The following FAM163A variants were observed in gnomAD, a reference collection of about 807,000 sequenced individuals.
FAM163A encodes family with sequence similarity 163 member A, also known as protein FAM163A.
FAM163A carries 7 observed loss-of-function variants against 12.0 expected under a neutral mutation model. The observed-to-expected ratio is 0.58, with a 90% CI of 0.33 to 1.10. The LOEUF (loss-of-function observed/expected upper bound fraction) is 1.10, where lower values mean the gene tolerates loss of function less well. Among genes scored for constraint, FAM163A ranks in the 50% least tolerant of loss-of-function variants. The pLI is 0.03. For missense variants in FAM163A, 202 were observed against 218.6 expected (o/e 0.92, Z 0.48); for synonymous variants, 101 against 91.0 (o/e 1.11, Z -0.62).
chr1:179,767,895 G>A (rs1161242299), intron 1 of FAM163A, among the ~76,000 whole-genome samples: 2 of 152,050 alleles, frequency 1.3e-5, no homozygotes, highest in Non-Finnish European at 2.9e-5. Context: ...TTAACCATTC[G>A]TAAGTGTTAA....
chr1:179,807,356 C>G (rs888531087), intron 1 of FAM163A, among the ~76,000 whole-genome samples: 7 of 151,986 alleles, frequency 4.6e-5, no homozygotes, highest in South Asian at 2.1e-4. Context: ...AAAATAGGCC[C>G]GGGAAACCGT....
At chr1:179,744,720 C>T (rs1434528592) in intron 1 of FAM163A, among the ~76,000 whole-genome samples, 2 of 152,146 alleles carry the variant, frequency 1.3e-5, no homozygotes, top group Non-Finnish European at 2.9e-5. Flanking sequence ...GTCATTTCGC[C>T]CACCTGGGCC....
chr1:179,732,550 G>A, the FAM163A span, among the ~76,000 whole-genome samples: 1 of 152,070 alleles, frequency 6.6e-6, no homozygotes, highest in Non-Finnish European at 1.5e-5. Flanking sequence ...ATAAGAGACT[G>A]ACCACATTGG....
intron 1 of FAM163A, among the ~76,000 whole-genome samples, chr1:179,791,780 C>T (rs1266176764): frequency 6.6e-6 from 1 of 152,250 alleles, no homozygotes; most frequent in East Asian, 1.9e-4. Flanking sequence ...TTGAAGGAAC[C>T]GTAAAAGTCA....
intron 1 of FAM163A, among the ~76,000 whole-genome samples, chr1:179,777,535 G>A (rs759674027): frequency 6.6e-6 from 1 of 152,162 alleles, no homozygotes; most frequent in Non-Finnish European, 1.5e-5. Context: ...GTTCTGATGT[G>A]CTGCTGCAGA....
chr1:179,737,463 G>T, the FAM163A span, among the ~76,000 whole-genome samples: 1 of 152,152 alleles, frequency 6.6e-6, no homozygotes, highest in East Asian at 1.9e-4. Context: ...TAACAATGCT[G>T]GACTGTGCAC....
At chr1:179,764,255 T>G (rs571554384) in intron 1 of FAM163A, among the ~76,000 whole-genome samples, 8 of 152,200 alleles carry the variant, frequency 5.3e-5, no homozygotes, top group Non-Finnish European at 1.0e-4. Context: ...GTTGGTGGTG[T>G]TGCATCCACT....
chr1:179,783,438 T>G (rs142357485), intron 1 of FAM163A, among the ~76,000 whole-genome samples: 1 of 152,160 alleles, frequency 6.6e-6, no homozygotes, highest in Non-Finnish European at 1.5e-5. Context: ...AGTTTGACAA[T>G]GTTTATTTTT....
the FAM163A span, among the ~76,000 whole-genome samples, chr1:179,736,155 G>A: frequency 6.6e-6 from 1 of 152,046 alleles, no homozygotes; most frequent in African/African-American, 2.4e-5. Flanking sequence ...AAAAGCAAAG[G>A]TCACAAAAGC....
intron 1 of FAM163A, among the ~76,000 whole-genome samples, chr1:179,782,553 CAG>C (rs1404377084): frequency 1.3e-5 from 2 of 152,064 alleles, no homozygotes; most frequent in African/African-American, 4.8e-5. Context: ...TCTGGATTCT[CAG>C]AGGCCGTTGG....
intron 1 of FAM163A, among the ~76,000 whole-genome samples, chr1:179,798,923 C>T (rs866959750): frequency 6.6e-5 from 10 of 152,266 alleles, no homozygotes; most frequent in Middle Eastern, 6.8e-3. Context: ...GCAAGCCTCC[C>T]GCTTCCTGCC....
chr1:179,732,598 T>A, the FAM163A span, among the ~76,000 whole-genome samples: 1 of 152,122 alleles, frequency 6.6e-6, no homozygotes, highest in Admixed American at 6.5e-5. Flanking sequence ...AATGATTGTT[T>A]AGGCAGGATG....
At chr1:179,813,568 G>A (rs1385272721) in intron 4 of FAM163A, among the ~76,000 whole-genome samples, 1 of 152,166 alleles carries the variant, frequency 6.6e-6, no homozygotes, top group African/African-American at 2.4e-5. Flanking sequence ...ACAGCCTGGA[G>A]TTACTGCGAG....
intron 1 of FAM163A, among the ~76,000 whole-genome samples, chr1:179,788,577 T>C (rs1690976055): frequency 6.6e-6 from 1 of 152,214 alleles, no homozygotes; most frequent in Non-Finnish European, 1.5e-5. Flanking sequence ...GCCCTGCCTC[T>C]TACCAGTGGC....
In FAM163A at chr1:179,786,404, C is replaced by A. The variant is rs539181082; in HGVS notation, c.-135-21394C>A. The stretch of plus-strand genomic sequence containing the variant: ...CCAGAGAAAGAGTCTTAGGGCCAGC[C>A]ACCAATCTGGGCTGCAGGCCTGAGT... On this transcript the variant is annotated intron_variant, in intron 1 of 4. Transcript: ENST00000341785. Among the ~76,000 whole-genome samples the A allele has an allele frequency of 3.1e-4, 47 of 152,332 alleles. 1 individual carries two copies. In the South Asian group the frequency reaches 9.5e-3, roughly 31 times the overall value.
chr1:179,747,339 C>T (rs1684627260), intron 1 of FAM163A, among the ~76,000 whole-genome samples: 1 of 152,198 alleles, frequency 6.6e-6, no homozygotes, highest in South Asian at 2.1e-4. Context: ...TACTTCCAAG[C>T]ACCCATTTTT....
the FAM163A span, among the ~76,000 whole-genome samples, chr1:179,732,702 G>T: frequency 2.0e-5 from 3 of 151,846 alleles, no homozygotes; most frequent in Admixed American, 2.0e-4. Context: ...GCAACATGGC[G>T]AAACCCTGTC....
At chr1:179,785,881 A>G (rs1235320169) in intron 1 of FAM163A, among the ~76,000 whole-genome samples, 1 of 152,174 alleles carries the variant, frequency 6.6e-6, no homozygotes, top group Non-Finnish European at 1.5e-5. Context: ...TTGTTAAGGA[A>G]TTTGATTCCT....
Position 179,813,747 on chromosome 1 carries a change from C to T in FAM163A, c.94-32C>T, listed in dbSNP as rs761897764. Reference sequence around the variant, plus strand: ...TGCATGGGGCGGGGGGAGCATTCACCCTCTCAGGCATCCCTCTGCCCTTCC... The same window carrying T: ...TGCATGGGGCGGGGGGAGCATTCACTCTCTCAGGCATCCCTCTGCCCTTCC... On this transcript the variant is annotated intron_variant, in intron 4 of 4. Coordinates refer to ENST00000341785, the MANE Select transcript of FAM163A (RefSeq NM_173509.3). 1.5e-5 allele frequency: 24 copies of T among 1,612,098 alleles called. No individual in the cohort carries two copies. In the South Asian group the frequency reaches 2.6e-4, roughly 18 times the overall value.
Sources: gnomAD v4.1 joint callset for allele counts (sites outside exome capture counted in the v4.1 genomes callset) on GRCh38, gnomAD v4.1.1 for gene constraint, MANE v1.5 for transcripts, NCBI Gene and HGNC (gene_info 2026-07-23, HGNC 2026-07-21) for gene names.